The following PSPH variants were observed in gnomAD, a reference collection of about 807,000 sequenced individuals.
The protein encoded by PSPH is L-3-phosphoserine phosphatase.
In PSPH, 16 loss-of-function variants were observed where a neutral mutation model predicts 23.4. The observed-to-expected ratio is 0.68, with a 90% CI of 0.46 to 1.04. PSPH has a LOEUF of 1.04. Among genes scored for constraint, PSPH ranks in the 50% least tolerant of loss-of-function variants. The pLI, the probability that PSPH is intolerant of heterozygous loss-of-function variation, is 0.00. For synonymous variants in PSPH, 68 were observed against 99.7 expected, an observed-to-expected ratio of 0.68 and a Z score of 1.89; for missense variants, 223 against 273.7, an observed-to-expected ratio of 0.81 and a Z score of 1.31.
chr7:56,042,272 A>G (rs1436654530), intron 1 of PSPH, among the ~76,000 whole-genome samples: 1 of 152,066 alleles, frequency 6.6e-6, no homozygotes, highest in Non-Finnish European at 1.5e-5. Context: ...ATTATTTCCA[A>G]GAAGGACAAA....
At chr7:56,026,579 T>C (rs993387034) in intron 3 of PSPH, among the ~76,000 whole-genome samples, 3 of 149,498 alleles carry the variant, frequency 2.0e-5, no homozygotes, top group Non-Finnish European at 4.4e-5. Flanking sequence ...AGACAGGTGA[T>C]TGCTTAAGGC....
At chr7:56,048,273 C>CT (rs1486091078) in intron 1 of PSPH, among the ~76,000 whole-genome samples, 1 of 137,738 alleles carries the variant, frequency 7.3e-6, no homozygotes, top group African/African-American at 2.6e-5. Flanking sequence ...GAGCAACACT[C>CT]TGTCTTTAAA....
chr7:56,042,656 G>GA (rs35744032), intron 1 of PSPH, among the ~76,000 whole-genome samples: 5,824 of 107,166 alleles, frequency 0.054, 203 homozygotes, highest in East Asian at 0.23. Flanking sequence ...GTCTCAGAAG[G>GA]AAAAAAAAAA....
intron 1 of PSPH, among the ~76,000 whole-genome samples, chr7:56,040,129 T>C (rs1405962520): frequency 6.6e-6 from 1 of 151,842 alleles, no homozygotes; most frequent in Non-Finnish European, 1.5e-5. Flanking sequence ...ATTAAAATAA[T>C]ATAAATGTCT....
Position 56,017,267 on chromosome 7 carries a change from C to A in PSPH, c.388G>T (p.Val130Leu), listed in dbSNP as rs745313383. ...ASKLNIPATNVFANRLKFYFN... is the reference protein window; with the variant it reads ...ASKLNIPATNLFANRLKFYFN... ...TAGAATTTCAGCCTATTGGCAAATACATTGGTTGCTGGGATATTGAGCTTT... is the reference window on the plus strand; with the variant it reads ...TAGAATTTCAGCCTATTGGCAAATAAATTGGTTGCTGGGATATTGAGCTTT... Residue 130 changes from valine to leucine, a missense_variant, in exon 6 of 8, where the codon GTA becomes TTA. Transcript: ENST00000275605. 8.1e-6 allele frequency: 13 copies of A among 1,613,948 alleles called. No homozygotes were observed. Among genetic ancestry groups the A allele is most frequent in the Non-Finnish European group, 1.1e-5 (13 of 1,179,862 alleles).
Position 56,043,652 on chromosome 7 carries a change from C to A in PSPH, c.-292+7486G>T, listed in dbSNP as rs529579827. The stretch of plus-strand genomic sequence containing the variant: ...GGCAACATGAGACCACCCCTCCCCC[C>A]ACCCACCCCAACCCCTGTCTCTACA... On this transcript the variant is annotated intron_variant, in intron 1 of 7. Coordinates refer to ENST00000275605, the MANE Select transcript of PSPH (RefSeq NM_004577.4). Among the ~76,000 whole-genome samples, 65 of 128,654 alleles carry A rather than the reference C, an allele frequency of 5.1e-4. 2 individuals carry two copies. The highest frequency in any genetic ancestry group is 1.4e-3 in the African/African-American group (52 of 36,276). 84.4% of individuals were successfully genotyped at this position (128,654 alleles called of 152,430 possible). A position where few individuals can be genotyped will look rare whatever the true frequency, so the allele number is the denominator to read the frequency against.
intron 1 of PSPH, among the ~76,000 whole-genome samples, chr7:56,035,828 C>G (rs1295908858): frequency 6.6e-6 from 1 of 152,008 alleles, no homozygotes; most frequent in Non-Finnish European, 1.5e-5. Flanking sequence ...CCATGTTGGC[C>G]AGGCTGGTCT....
At chr7:56,049,893 ACCAGG>A (rs1369322917) in intron 1 of PSPH, among the ~76,000 whole-genome samples, 2 of 150,326 alleles carry the variant, frequency 1.3e-5, no homozygotes, top group Non-Finnish European at 1.5e-5. Context: ...GATGCACACC[ACCAGG>A]CCAGGCTGAT....
At chr7:56,048,223 T>A (rs1301566680) in intron 1 of PSPH, among the ~76,000 whole-genome samples, 1 of 150,212 alleles carries the variant, frequency 6.7e-6, no homozygotes, top group Non-Finnish European at 1.5e-5. Flanking sequence ...GAGGCTGCAG[T>A]GAGCAGAGAT....
Position 56,015,028 on chromosome 7 carries a change from G to C in PSPH, c.565C>G (p.Pro189Ala). ...TTAGCACCCTTAATACATACAGCAG[G>C]AGGACAGGCTTCCATATCTGTGGCA... Reference protein sequence around the residue: ...DGATDMEACPPADAFIGFGGN... With the variant: ...DGATDMEACPAADAFIGFGGN... The change falls in exon 7 of 8, where the codon CCT becomes GCT. Residue 189 changes from proline (P) to alanine (A), a missense_variant. Pro to Ala is a conservative substitution (Grantham distance 27). Transcript: ENST00000275605. 1 of 1,613,948 alleles carries C rather than the reference G, an allele frequency of 6.2e-7. No individual in the cohort carries two copies. The highest frequency in any genetic ancestry group is 8.5e-7 in the Non-Finnish European group (1 of 1,179,968).
At chr7:56,039,382 T>C (rs548744616) in intron 1 of PSPH, among the ~76,000 whole-genome samples, 3 of 152,294 alleles carry the variant, frequency 2.0e-5, no homozygotes, top group African/African-American at 7.2e-5. Context: ...ATTATAATAA[T>C]TTTCCTTTAA....
At chr7:56,030,495 G>A (rs1227382108) in intron 3 of PSPH, among the ~76,000 whole-genome samples, 1 of 152,124 alleles carries the variant, frequency 6.6e-6, no homozygotes, top group Non-Finnish European at 1.5e-5. Context: ...GATGCAGCTG[G>A]AGGCCGTTAT....
chr7:56,029,632 A>G (rs1454512602), intron 3 of PSPH, among the ~76,000 whole-genome samples: 4 of 152,152 alleles, frequency 2.6e-5, no homozygotes, highest in East Asian at 3.9e-4. Context: ...TGCCCAAAGA[A>G]ATGCTTTCCC....
intron 5 of PSPH, among the ~76,000 whole-genome samples, chr7:56,018,346 AAAC>A (rs1030477771): frequency 2.8e-5 from 4 of 141,802 alleles, no homozygotes; most frequent in South Asian, 2.2e-4. Context: ...CTGTCTCAAA[AAAC>A]AACAACAACA....
At chr7:56,027,784 C>T (rs1011631137) in intron 3 of PSPH, among the ~76,000 whole-genome samples, 1 of 147,580 alleles carries the variant, frequency 6.8e-6, no homozygotes. Context: ...TGCAGTGGCT[C>T]ACACTTGTAA....
chr7:56,027,246 C>A (rs993493639), intron 3 of PSPH, among the ~76,000 whole-genome samples: 21 of 149,418 alleles, frequency 1.4e-4, no homozygotes, highest in Non-Finnish European at 2.1e-4. Flanking sequence ...CATGAGGCAA[C>A]ATAACATAAC....
intron 1 of PSPH, among the ~76,000 whole-genome samples, chr7:56,040,717 T>A (rs1057603): frequency 0.22 from 33,401 of 151,628 alleles, 4,075 homozygotes; most frequent in South Asian, 0.31. Flanking sequence ...AGACAAAAAG[T>A]CACTGGAAAC....
intron 5 of PSPH, among the ~76,000 whole-genome samples, chr7:56,018,339 T>C (rs1788858026): frequency 1.3e-5 from 2 of 148,812 alleles, no homozygotes; most frequent in South Asian, 4.3e-4. Context: ...CGAGACTCTG[T>C]CTCAAAAAAC....
chr7:56,031,697 C>T (rs893225615), intron 3 of PSPH, among the ~76,000 whole-genome samples: 1 of 152,090 alleles, frequency 6.6e-6, no homozygotes, highest in Admixed American at 6.6e-5. Flanking sequence ...CCTGTAATCC[C>T]AACTACTCAG....
Sources: gnomAD v4.1 joint callset for allele counts (sites outside exome capture counted in the v4.1 genomes callset) on GRCh38, gnomAD v4.1.1 for gene constraint, MANE v1.5 for transcripts, NCBI Gene and HGNC (gene_info 2026-07-23, HGNC 2026-07-21) for gene names.